GRK5: variants seen among roughly 807,000 people sequenced by gnomAD.
GRK5 encodes the protein g protein-coupled receptor kinase GRK5.
GRK5 carries 40 observed loss-of-function variants against 78.4 expected under a neutral mutation model. That is an observed-to-expected ratio of 0.51 (90% CI 0.40 to 0.66). The LOEUF (loss-of-function observed/expected upper bound fraction) is 0.66, where lower values mean the gene tolerates loss of function less well. Ranked by LOEUF, GRK5 falls within the 30% of genes least tolerant of loss-of-function variation. The probability of loss-of-function intolerance (pLI) is 0.00; values close to 1 mark genes in which losing one functional copy is unlikely to be tolerated. For missense variants in GRK5, 598 were observed against 759.9 expected (o/e 0.79, Z 2.50); for synonymous variants, 289 against 296.8 (o/e 0.97, Z 0.27).
intron 1 of GRK5, among the ~76,000 whole-genome samples, chr10:119,252,895 G>C (rs2133755781): frequency 1.3e-5 from 2 of 152,274 alleles, no homozygotes; most frequent in Middle Eastern, 6.8e-3. Context: ...AACTTGCCCA[G>C]ATGTATCAGG....
chr10:119,357,306 C>T (rs1480317090), intron 2 of GRK5, among the ~76,000 whole-genome samples: 1 of 152,218 alleles, frequency 6.6e-6, no homozygotes. Context: ...GGCAAATTCC[C>T]TCAGCACTAG....
chr10:119,331,031 G>C (rs951045422), intron 2 of GRK5, among the ~76,000 whole-genome samples: 23 of 152,148 alleles, frequency 1.5e-4, no homozygotes, highest in African/African-American at 5.3e-4. Flanking sequence ...GTGTCCCTCA[G>C]CTTCCAGTCT....
At chr10:119,252,955 AG>A (rs1210508046) in intron 1 of GRK5, among the ~76,000 whole-genome samples, 1 of 152,184 alleles carries the variant, frequency 6.6e-6, no homozygotes, top group Non-Finnish European at 1.5e-5. Context: ...TCCAAAGGCC[AG>A]GTGGTCTTAG....
chr10:119,369,349 A>G (rs909878330), intron 2 of GRK5, among the ~76,000 whole-genome samples: 8 of 152,216 alleles, frequency 5.3e-5, no homozygotes, highest in African/African-American at 1.9e-4. Context: ...AGACACAAAC[A>G]GTGGTCATCA....
chr10:119,390,492 C>T (rs968399498), intron 3 of GRK5, among the ~76,000 whole-genome samples: 14 of 152,120 alleles, frequency 9.2e-5, no homozygotes, highest in Non-Finnish European at 1.6e-4. Flanking sequence ...GTTAGGAGTT[C>T]GGGACCAGCC....
At chr10:119,263,599 T>A (rs2133660069) in intron 1 of GRK5, among the ~76,000 whole-genome samples, 2 of 152,202 alleles carry the variant, frequency 1.3e-5, no homozygotes, top group Non-Finnish European at 2.9e-5. Context: ...TTTTCTCTCC[T>A]CTCTTCTCTT....
chr10:119,433,621 C>T (rs903745912), intron 8 of GRK5, among the ~76,000 whole-genome samples: 4 of 152,232 alleles, frequency 2.6e-5, no homozygotes, highest in African/African-American at 4.8e-5. Context: ...CATTTTATCT[C>T]CTTTCCTCAA....
intron 2 of GRK5, among the ~76,000 whole-genome samples, chr10:119,364,154 A>C (rs1331711733): frequency 1.1e-4 from 16 of 152,168 alleles, no homozygotes; most frequent in Admixed American, 1.0e-3. Flanking sequence ...CATCTTAAAG[A>C]AAGGGAGGGA....
intron 1 of GRK5, among the ~76,000 whole-genome samples, chr10:119,223,779 G>A (rs1012381513): frequency 6.6e-6 from 1 of 151,350 alleles, no homozygotes; most frequent in Non-Finnish European, 1.5e-5. Context: ...TAGACTTCCT[G>A]AGGGCTGACA....
intron 2 of GRK5, among the ~76,000 whole-genome samples, chr10:119,361,609 G>A (rs1190034014): frequency 6.6e-6 from 1 of 152,152 alleles, no homozygotes. Context: ...GACGTGAGAG[G>A]AATCCTGGCT....
chr10:119,207,842 A>AGCG lies in GRK5; in HGVS notation c.-73_-71dup, dbSNP rs1215359254. On this transcript the variant is annotated 5_prime_UTR_variant, in exon 1 of 16. Transcript: ENST00000392870. Reference sequence around the variant, plus strand: ...CGGCAGCAGCGGCGGCAGCCCGAGCAGCGGCAGCAGCAGCGGCAGCACCCC... The same window carrying AGCG: ...CGGCAGCAGCGGCGGCAGCCCGAGCAGCGGCGGCAGCAGCAGCGGCAGCACCCC... 9.3e-6 allele frequency: 13 copies of AGCG among 1,396,338 alleles called. No individual in the cohort carries two copies. In the Admixed American group the frequency reaches 2.9e-4, roughly 31 times the overall value. The allele number at this position is 1,396,338 out of a possible 1,614,324, so 86.5% of individuals were successfully genotyped here.
intron 5 of GRK5, 147 bp downstream of exon 5, chr10:119,423,413 C>A: frequency 1.6e-6 from 1 of 609,628 alleles, no homozygotes; most frequent in South Asian, 2.0e-5. Flanking sequence ...TGTATACTTC[C>A]CACGAAGAGA....
At chr10:119,215,771 T>C (rs1361548195) in intron 1 of GRK5, among the ~76,000 whole-genome samples, 2 of 152,090 alleles carry the variant, frequency 1.3e-5, no homozygotes, top group Non-Finnish European at 2.9e-5. Context: ...CAGAGCCCCA[T>C]GTTCCTTCTT....
chr10:119,321,769 A>G (rs1190665537), intron 1 of GRK5, among the ~76,000 whole-genome samples: 1 of 152,156 alleles, frequency 6.6e-6, no homozygotes, highest in Non-Finnish European at 1.5e-5. Flanking sequence ...AAGCTGAGGA[A>G]ATAGGGTTGA....
chr10:119,329,493 A>G (rs1432129407), intron 2 of GRK5, among the ~76,000 whole-genome samples: 1 of 152,170 alleles, frequency 6.6e-6, no homozygotes, highest in Non-Finnish European at 1.5e-5. Flanking sequence ...GCAACCCACA[A>G]TGCCAGTGGG....
At chr10:119,282,016 C>G (rs1849771166) in intron 1 of GRK5, among the ~76,000 whole-genome samples, 1 of 152,050 alleles carries the variant, frequency 6.6e-6, no homozygotes, top group African/African-American at 2.4e-5. Flanking sequence ...TGTCCCTTGC[C>G]CTCCCCTCCT....
At chr10:119,216,097 G>A (rs187807114) in intron 1 of GRK5, among the ~76,000 whole-genome samples, 1 of 152,330 alleles carries the variant, frequency 6.6e-6, no homozygotes, top group African/African-American at 2.4e-5. Context: ...AGCACACTTA[G>A]AAAGAAAGTG....
chr10:119,411,234 G>A (rs968373640), intron 4 of GRK5, among the ~76,000 whole-genome samples: 1 of 152,160 alleles, frequency 6.6e-6, no homozygotes, highest in Non-Finnish European at 1.5e-5. Flanking sequence ...AAGAATTAAG[G>A]AGGTTGCAAG....
At chr10:119,368,958 G>A (rs193061966) in intron 2 of GRK5, among the ~76,000 whole-genome samples, 1 of 152,212 alleles carries the variant, frequency 6.6e-6, no homozygotes, top group Non-Finnish European at 1.5e-5. Flanking sequence ...ATACTCCCCA[G>A]TTTGGAAGCG....
Sources: gnomAD v4.1 joint callset for allele counts (sites outside exome capture counted in the v4.1 genomes callset) on GRCh38, gnomAD v4.1.1 for gene constraint, MANE v1.5 for transcripts, NCBI Gene and HGNC (gene_info 2026-07-23, HGNC 2026-07-21) for gene names.